PRKG1: variants seen among roughly 807,000 people sequenced by gnomAD.
PRKG1 encodes cGMP-dependent protein kinase 1.
In PRKG1, 35 loss-of-function variants were observed where a neutral mutation model predicts 88.1. That is an observed-to-expected ratio of 0.40 (90% CI 0.30 to 0.53). PRKG1 has a LOEUF of 0.53. PRKG1 is among the 20% of genes least tolerant of loss of function. The pLI, the probability that PRKG1 is intolerant of heterozygous loss-of-function variation, is 0.59. For synonymous variants in PRKG1, 303 were observed against 292.5 expected (o/e 1.04, Z -0.37); for missense variants, 540 against 839.8 (o/e 0.64, Z 4.41).
At position 52,294,183 on chromosome 10, in the gene PRKG1, C is replaced by T. The variant is rs777903667; in HGVS notation, c.*283C>T. ...GTTTTCTATTGTTGCAATGACCTTGCTTTGCTCTGATTATAATTTGAAAGA... is the reference window on the plus strand; with the variant it reads ...GTTTTCTATTGTTGCAATGACCTTGTTTTGCTCTGATTATAATTTGAAAGA... On this transcript the variant is annotated 3_prime_UTR_variant, in exon 18 of 18. Coordinates refer to ENST00000373980, the MANE Select transcript of PRKG1 (RefSeq NM_006258.4). The T allele has an allele frequency of 3.3e-6, 1 of 301,396 alleles. No individual in the cohort carries two copies. 18.7% of individuals were successfully genotyped at this position (301,396 alleles called of 1,614,324 possible).
chr10:51,946,402 T>C (rs1843035835), intron 5 of PRKG1, among the ~76,000 whole-genome samples: 1 of 152,076 alleles, frequency 6.6e-6, no homozygotes, highest in African/African-American at 2.4e-5. Flanking sequence ...GCCTTTGGTT[T>C]GAATTTCCTC....
chr10:51,892,947 C>G (rs1841758242), intron 4 of PRKG1, among the ~76,000 whole-genome samples: 1 of 152,246 alleles, frequency 6.6e-6, no homozygotes, highest in South Asian at 2.1e-4. Context: ...TCATTCTTAA[C>G]AACCAGATGT....
chr10:52,242,224 A>G (rs1344074252), intron 9 of PRKG1: 1 of 152,050 alleles, frequency 6.6e-6, no homozygotes, highest in Non-Finnish European at 1.5e-5. Context: ...ATAGTCACCA[A>G]CTCTGGACCA....
At chr10:51,854,477 T>C (rs1840631732) in intron 4 of PRKG1, among the ~76,000 whole-genome samples, 1 of 152,170 alleles carries the variant, frequency 6.6e-6, no homozygotes, top group South Asian at 2.1e-4. Context: ...AAATAACCGG[T>C]ATTTTAGTCA....
chr10:52,032,417 A>C (rs1173142405), intron 5 of PRKG1, among the ~76,000 whole-genome samples: 1 of 152,200 alleles, frequency 6.6e-6, no homozygotes, highest in Non-Finnish European at 1.5e-5. Flanking sequence ...TAGAGATCAT[A>C]ATAAATACCT....
At chr10:52,060,610 C>A (rs1388768631) in intron 6 of PRKG1, among the ~76,000 whole-genome samples, 1 of 151,740 alleles carries the variant, frequency 6.6e-6, no homozygotes, top group Non-Finnish European at 1.5e-5. Context: ...GAAATGCCAT[C>A]TAATACCTAC....
rs2879523 is a variant in PRKG1 at position 51,118,018 on chromosome 10, C to T, written c.312-35146C>T. 0.47 allele frequency among the ~76,000 whole-genome samples: 71,225 copies of T among 152,006 alleles called. 19,175 individuals carry two copies. Among genetic ancestry groups the T allele is most frequent in the East Asian group, 0.71 (3,688 of 5,166 alleles). On this transcript the variant is annotated intron_variant, in intron 1 of 17. Transcript: ENST00000373980. ...CACTAGGGGGTTTTCACTAAAATCTCAGTGATGACTTGCAGATGTCATAGA... is the reference window on the plus strand; with the variant it reads ...CACTAGGGGGTTTTCACTAAAATCTTAGTGATGACTTGCAGATGTCATAGA...
At chr10:51,126,209 AAT>A in intron 1 of PRKG1, among the ~76,000 whole-genome samples, 1 of 121,672 alleles carries the variant, frequency 8.2e-6, no homozygotes, top group African/African-American at 3.3e-5. Flanking sequence ...TGTTATTTAT[AAT>A]TATTTATATA....
intron 6 of PRKG1, among the ~76,000 whole-genome samples, chr10:52,058,624 G>A (rs1846165247): frequency 1.3e-5 from 2 of 151,888 alleles, no homozygotes; most frequent in South Asian, 4.1e-4. Flanking sequence ...GACCAAAACA[G>A]GGGAACCTTG....
intron 5 of PRKG1, among the ~76,000 whole-genome samples, chr10:51,943,897 A>T (rs1285104470): frequency 6.6e-6 from 1 of 151,840 alleles, no homozygotes; most frequent in Non-Finnish European, 1.5e-5. Context: ...TTCATCAAGG[A>T]TATTGGTCTA....
chr10:52,045,481 G>GT (rs1845843507), intron 5 of PRKG1, among the ~76,000 whole-genome samples: 3 of 152,092 alleles, frequency 2.0e-5, no homozygotes. Flanking sequence ...AATGTTACAG[G>GT]TAAGTGAGGA....
chr10:51,378,102 C>A (rs776970141), intron 2 of PRKG1, among the ~76,000 whole-genome samples: 4 of 152,184 alleles, frequency 2.6e-5, no homozygotes, highest in Non-Finnish European at 5.9e-5. Context: ...GGCCTTTGGG[C>A]CAAAGACATC....
At position 52,054,561 on chromosome 10, in the gene PRKG1, G is replaced by A. The variant is rs748336736; in HGVS notation, c.840G>A (p.Thr280=). 10 of 1,613,338 alleles carry A rather than the reference G, an allele frequency of 6.2e-6. No individual in the cohort carries two copies. Among genetic ancestry groups the A allele is most frequent in the Non-Finnish European group, 8.5e-6 (10 of 1,179,456 alleles). ...CCTTCTTTATCATCAGCAAAGGAAC[G>A]GTAAGCTTTGGTGGCACAAGACAGT... The part of the protein sequence containing the change: ...GDTFFIISKG[T]VNVTREDSPS... The change falls in exon 6 of 18, where the codon ACG becomes ACA. Residue 280 remains threonine, a splice_region_variant and synonymous_variant. Transcript: ENST00000373980.
chr10:52,215,586 A>G (rs1240810246), intron 9 of PRKG1, among the ~76,000 whole-genome samples: 4 of 152,184 alleles, frequency 2.6e-5, no homozygotes, highest in Non-Finnish European at 5.9e-5. Flanking sequence ...AAGATGTCTG[A>G]ATACACTTTG....
intron 2 of PRKG1, among the ~76,000 whole-genome samples, chr10:51,198,844 T>C (rs1837840575): frequency 6.6e-6 from 1 of 152,258 alleles, no homozygotes; most frequent in South Asian, 2.1e-4. Flanking sequence ...TTGAAACCCC[T>C]AAGTAAGATT....
intron 2 of PRKG1, among the ~76,000 whole-genome samples, chr10:51,374,093 A>AAAAAATATATATATATATATAT: frequency 1.3e-3 from 133 of 100,072 alleles, no homozygotes; most frequent in African/African-American, 4.2e-3. Context: ...AAAAAAAAAA[A>AAAAAATATATATATATATATAT]ATATATATAT....
intron 4 of PRKG1, among the ~76,000 whole-genome samples, chr10:51,847,441 C>CT (rs901655497): frequency 6.6e-6 from 1 of 151,636 alleles, no homozygotes; most frequent in Non-Finnish European, 1.5e-5. Flanking sequence ...GAAAATGAAC[C>CT]TTTTTTTATA....
intron 5 of PRKG1, among the ~76,000 whole-genome samples, chr10:52,043,016 A>T (rs1845785374): frequency 6.6e-6 from 1 of 152,180 alleles, no homozygotes; most frequent in African/African-American, 2.4e-5. Context: ...AATCAGAACC[A>T]TGATGAGATT....
chr10:51,376,436 A>C (rs1246257177), intron 2 of PRKG1, among the ~76,000 whole-genome samples: 2 of 152,180 alleles, frequency 1.3e-5, no homozygotes, highest in Non-Finnish European at 2.9e-5. Context: ...TATATCAAAA[A>C]TACTTGGTCT....
Sources: allele counts gnomAD v4.1 joint callset (sites outside exome capture counted in the v4.1 genomes callset), GRCh38; gene constraint gnomAD v4.1.1; transcripts MANE v1.5; gene names NCBI Gene and HGNC (gene_info 2026-07-23, HGNC 2026-07-21).